ULK4: variants seen among roughly 807,000 people sequenced by gnomAD.
ULK4 encodes inactive serine/threonine-protein kinase ULK4.
Under a neutral mutation model 160.6 loss-of-function variants are expected in ULK4, and 133 were observed. The ratio of observed to expected loss-of-function variants is 0.83; its 90% CI spans 0.72 to 0.96. The LOEUF is 0.96. ULK4 is among the 40% of genes least tolerant of loss of function. ULK4 has a pLI of 0.00. For missense variants in ULK4, 1,580 were observed against 1,499.5 expected, an observed-to-expected ratio of 1.05 and a Z score of -0.89; for synonymous variants, 534 against 539.8, an observed-to-expected ratio of 0.99 and a Z score of 0.15.
intron 34 of ULK4, among the ~76,000 whole-genome samples, chr3:41,433,370 T>C (rs556716386): frequency 1.1e-4 from 17 of 152,308 alleles, no homozygotes; most frequent in Admixed American, 4.6e-4. Context: ...GACAATCTTT[T>C]GATGAGAATG....
chr3:41,752,535 C>T (rs1423408776), intron 22 of ULK4, among the ~76,000 whole-genome samples: 1 of 152,116 alleles, frequency 6.6e-6, no homozygotes, highest in African/African-American at 2.4e-5. Context: ...CCACACCCCT[C>T]AATTGGAAGT....
chr3:41,350,336 GA>G (rs200118313), intron 35 of ULK4, among the ~76,000 whole-genome samples: 2,556 of 152,250 alleles, frequency 0.017, 122 homozygotes, highest in Admixed American at 0.1. Flanking sequence ...TACACAAACA[GA>G]AACACAAGGT....
intron 33 of ULK4, among the ~76,000 whole-genome samples, chr3:41,462,581 A>C (rs1298502167): frequency 1.3e-5 from 2 of 152,224 alleles, no homozygotes; most frequent in Non-Finnish European, 2.9e-5. Flanking sequence ...TCTATTCCTC[A>C]AAACCATCTC....
At chr3:41,767,309 G>A (rs577346813) in intron 21 of ULK4, among the ~76,000 whole-genome samples, 68 of 152,184 alleles carry the variant, frequency 4.5e-4, no homozygotes, top group African/African-American at 1.5e-3. Context: ...TTTCTTACAT[G>A]ATCCAGAGAC....
At chr3:41,842,647 T>G (rs1460297343) in intron 17 of ULK4, among the ~76,000 whole-genome samples, 2 of 152,214 alleles carry the variant, frequency 1.3e-5, no homozygotes, top group African/African-American at 4.8e-5. Context: ...CCCTTCACCT[T>G]CTGCCATGAG....
intron 32 of ULK4, among the ~76,000 whole-genome samples, chr3:41,488,392 T>C (rs1422442639): frequency 2.6e-5 from 4 of 152,182 alleles, no homozygotes; most frequent in East Asian, 3.9e-4. Context: ...ACTCCAGACC[T>C]GGATTCTTCC....
chr3:41,353,196 T>C (rs1359303087), intron 35 of ULK4, among the ~76,000 whole-genome samples: 3 of 152,228 alleles, frequency 2.0e-5, no homozygotes, highest in Admixed American at 6.5e-5. Flanking sequence ...GAACCCTCTC[T>C]GGAATTCAGA....
intron 35 of ULK4, among the ~76,000 whole-genome samples, chr3:41,381,194 G>C (rs768109441): frequency 2.0e-5 from 3 of 152,246 alleles, no homozygotes; most frequent in African/African-American, 2.4e-5. Flanking sequence ...TCCATAGAGA[G>C]GGTCCTTCCA....
chr3:41,542,151 G>T (rs1369679479), intron 32 of ULK4, among the ~76,000 whole-genome samples: 2 of 152,090 alleles, frequency 1.3e-5, no homozygotes, highest in Non-Finnish European at 2.9e-5. Context: ...TTGGCTGTGG[G>T]TTTGTCATAA....
At chr3:41,481,886 T>C (rs1376409054) in intron 32 of ULK4, among the ~76,000 whole-genome samples, 1 of 151,852 alleles carries the variant, frequency 6.6e-6, no homozygotes, top group African/African-American at 2.4e-5. Flanking sequence ...AAGATAATAT[T>C]GATTTTTGCA....
chr3:41,707,914 A>C (rs888410387), intron 25 of ULK4, among the ~76,000 whole-genome samples: 29 of 152,146 alleles, frequency 1.9e-4, no homozygotes, highest in African/African-American at 6.8e-4. Context: ...ATATGAAAAA[A>C]TGCTCAACAT....
chr3:41,782,959 G>A (rs1377750438), intron 21 of ULK4, among the ~76,000 whole-genome samples: 5 of 150,758 alleles, frequency 3.3e-5, no homozygotes, highest in Non-Finnish European at 5.9e-5. Context: ...ACACACATTC[G>A]TAACACATCA....
chr3:41,596,847 A>T (rs979385722), intron 31 of ULK4, among the ~76,000 whole-genome samples: 5 of 152,202 alleles, frequency 3.3e-5, no homozygotes, highest in African/African-American at 1.2e-4. Flanking sequence ...TCATTACAGA[A>T]GGGAAGAAAT....
At chr3:41,355,524 T>C (rs780142231) in intron 35 of ULK4, among the ~76,000 whole-genome samples, 25 of 152,198 alleles carry the variant, frequency 1.6e-4, no homozygotes, top group Non-Finnish European at 2.6e-4. Flanking sequence ...TCAACTTTCT[T>C]ATTGTAAGAG....
chr3:41,464,947 C>A (rs1189011438), intron 32 of ULK4, among the ~76,000 whole-genome samples: 4 of 152,144 alleles, frequency 2.6e-5, no homozygotes, highest in African/African-American at 9.7e-5. Flanking sequence ...GCAATCAAAT[C>A]CCTGCTGGGA....
At chr3:41,828,732 A>G (rs1196865149) in intron 18 of ULK4, among the ~76,000 whole-genome samples, 1 of 152,004 alleles carries the variant, frequency 6.6e-6, no homozygotes, top group Non-Finnish European at 1.5e-5. Context: ...AAGATAATTT[A>G]TAGATTCAAC....
chr3:41,403,868 T>C (rs1698280978), intron 34 of ULK4, among the ~76,000 whole-genome samples: 1 of 152,176 alleles, frequency 6.6e-6, no homozygotes, highest in Non-Finnish European at 1.5e-5. Flanking sequence ...ATCAGTGTGT[T>C]TACTTTTTAA....
chr3:41,560,271 T>G (rs1478375478), intron 32 of ULK4, among the ~76,000 whole-genome samples: 1 of 152,222 alleles, frequency 6.6e-6, no homozygotes, highest in African/African-American at 2.4e-5. Flanking sequence ...TGTAGCCTTG[T>G]AGTCCAGTTT....
At chr3:41,861,720 T>G (rs1339233109) in intron 17 of ULK4, among the ~76,000 whole-genome samples, 1 of 152,180 alleles carries the variant, frequency 6.6e-6, no homozygotes, top group African/African-American at 2.4e-5. Flanking sequence ...ATTATCTTTT[T>G]GAATAAACTT....
Sources: allele counts gnomAD v4.1 joint callset (sites outside exome capture counted in the v4.1 genomes callset), GRCh38; gene constraint gnomAD v4.1.1; transcripts MANE v1.5; gene names NCBI Gene and HGNC (gene_info 2026-07-23, HGNC 2026-07-21).